Variants in GLRX3 observed in about 807,000 individuals in gnomAD.
GLRX3 encodes glutaredoxin-3.
In GLRX3, 22 loss-of-function variants were observed where a neutral mutation model predicts 49.5. The observed-to-expected ratio is 0.44, with a 90% CI of 0.32 to 0.63. GLRX3 has a LOEUF of 0.63. Among genes scored for constraint, GLRX3 ranks in the 30% least tolerant of loss-of-function variants. The probability of loss-of-function intolerance (pLI) is 0.05; values close to 1 mark genes in which losing one functional copy is unlikely to be tolerated. For synonymous variants in GLRX3, 133 were observed against 140.0 expected, an observed-to-expected ratio of 0.95 and a Z score of 0.35; for missense variants, 385 against 396.3, an observed-to-expected ratio of 0.97 and a Z score of 0.24.
chr10:130,170,397 G>T (rs1301310343), intron 7 of GLRX3, among the ~76,000 whole-genome samples: 2 of 152,146 alleles, frequency 1.3e-5, no homozygotes, highest in African/African-American at 4.8e-5. Context: ...CATAACTAGT[G>T]TATAAGTTAA....
chr10:130,157,956 G>C (rs1045160378), intron 2 of GLRX3, among the ~76,000 whole-genome samples: 10 of 152,000 alleles, frequency 6.6e-5, no homozygotes, highest in African/African-American at 2.2e-4. Context: ...GTGCTGCAAG[G>C]GTTTTAGGAC....
At chr10:130,177,016 C>T (rs995881832) in intron 10 of GLRX3, among the ~76,000 whole-genome samples, 3 of 152,056 alleles carry the variant, frequency 2.0e-5, no homozygotes, top group Non-Finnish European at 4.4e-5. Flanking sequence ...TTATGTTCAC[C>T]TGCTAAGAAC....
In GLRX3 at chr10:130,179,616, A is replaced by C. The variant is rs1862988229; in HGVS notation, c.*224A>C. 2.1e-6 allele frequency: 1 copy of C among 486,270 alleles called. No homozygotes were observed. The highest frequency in any genetic ancestry group is 2.1e-5 in the African/African-American group (1 of 48,762). The allele number at this position is 486,270 out of a possible 1,614,324, so 30.1% of individuals were successfully genotyped here. ...TCTTCAAATTATTAACAATAATTGT[A>C]TGAAAAAAGTGTATCTTTACAGCAG... is the stretch of plus-strand genomic sequence containing the variant. On this transcript the variant is annotated 3_prime_UTR_variant, in exon 11 of 11. Coordinates refer to ENST00000331244, the MANE Select transcript of GLRX3 (RefSeq NM_006541.5).
chr10:130,176,906 A>C (rs904074408), intron 10 of GLRX3, among the ~76,000 whole-genome samples: 35 of 152,148 alleles, frequency 2.3e-4, no homozygotes, highest in Admixed American at 2.2e-3. Context: ...AGCCATTGGT[A>C]ACTCTTGGGA....
intron 4 of GLRX3, among the ~76,000 whole-genome samples, chr10:130,164,214 G>T (rs1297417060): frequency 1.7e-4 from 26 of 151,928 alleles, no homozygotes; most frequent in Admixed American, 1.7e-3. Context: ...AAAAGAATTG[G>T]ATTGTCCTTA....
intron 2 of GLRX3, among the ~76,000 whole-genome samples, chr10:130,145,841 G>A (rs1399535685): frequency 6.7e-6 from 1 of 149,670 alleles, no homozygotes; most frequent in Non-Finnish European, 1.5e-5. Flanking sequence ...TTGTTCTGTC[G>A]CCCAGGCTGG....
chr10:130,136,412 G>A lies in GLRX3; in HGVS notation c.-9G>A. 2 of 1,252,572 alleles carry A rather than the reference G, an allele frequency of 1.6e-6. No individual in the cohort carries two copies. Among genetic ancestry groups the A allele is most frequent in the Non-Finnish European group, 1.0e-6 (1 of 992,686 alleles). The allele number at this position is 1,252,572 out of a possible 1,614,324, so 77.6% of individuals were successfully genotyped here. The stretch of plus-strand genomic sequence containing the variant: ...CGGCACTGGATTGCTTCTGTCTGGC[G>A]GCGGCAGCATGGCGGCGGGGGCGGC... On this transcript the variant is annotated 5_prime_UTR_variant, in exon 1 of 11. Transcript: ENST00000331244.
chr10:130,139,627 C>T (rs1157267379), intron 1 of GLRX3, among the ~76,000 whole-genome samples: 2 of 138,222 alleles, frequency 1.4e-5, no homozygotes. Context: ...GGACGACAGA[C>T]GAAGACTCCA....
At chr10:130,162,362 A>G (rs929484180) in intron 4 of GLRX3, among the ~76,000 whole-genome samples, 1 of 152,202 alleles carries the variant, frequency 6.6e-6, no homozygotes, top group Non-Finnish European at 1.5e-5. Flanking sequence ...CTATTTGTGT[A>G]TTGCAAAGCT....
chr10:130,164,650 G>T (rs996557578), intron 4 of GLRX3, among the ~76,000 whole-genome samples: 4 of 152,264 alleles, frequency 2.6e-5, no homozygotes, highest in African/African-American at 4.8e-5. Flanking sequence ...TTAAAAAAAG[G>T]TGTGTAAATA....
chr10:130,170,571 A>G (rs1412463752), intron 7 of GLRX3, among the ~76,000 whole-genome samples: 1 of 152,212 alleles, frequency 6.6e-6, no homozygotes, highest in Non-Finnish European at 1.5e-5. Flanking sequence ...TATTGAAACA[A>G]TAGAGGAAGT....
intron 4 of GLRX3, among the ~76,000 whole-genome samples, chr10:130,165,389 A>C (rs1862660706): frequency 6.6e-6 from 1 of 152,096 alleles, no homozygotes; most frequent in South Asian, 2.1e-4. Flanking sequence ...CTTCAGTTAT[A>C]ATGTCATAAT....
At chr10:130,141,979 T>G (rs1039713946) in intron 1 of GLRX3, among the ~76,000 whole-genome samples, 1 of 152,146 alleles carries the variant, frequency 6.6e-6, no homozygotes, top group Non-Finnish European at 1.5e-5. Flanking sequence ...AAAAATGTAA[T>G]CTAGCTGAAT....
At chr10:130,165,812 G>A (rs1270799103) in intron 4 of GLRX3, among the ~76,000 whole-genome samples, 3 of 152,170 alleles carry the variant, frequency 2.0e-5, no homozygotes, top group South Asian at 2.1e-4. Context: ...AATAACAATT[G>A]TAGAATTTTT....
chr10:130,156,992 TCAAA>T (rs1313878938), intron 2 of GLRX3, among the ~76,000 whole-genome samples: 1 of 152,238 alleles, frequency 6.6e-6, no homozygotes, highest in African/African-American at 2.4e-5. Context: ...GGTTTTATAG[TCAAA>T]CAAACTTTGA....
chr10:130,165,750 C>G, intron 4 of GLRX3, among the ~76,000 whole-genome samples: 1 of 152,136 alleles, frequency 6.6e-6, no homozygotes, highest in East Asian at 1.9e-4. Flanking sequence ...AGTAAAATGG[C>G]AGTAGAAATG....
intron 2 of GLRX3, among the ~76,000 whole-genome samples, chr10:130,155,880 A>C (rs1014421837): frequency 8.5e-5 from 13 of 152,258 alleles, no homozygotes; most frequent in African/African-American, 2.6e-4. Flanking sequence ...TTGAGCATTT[A>C]GGGAGGGCAG....
intron 2 of GLRX3, among the ~76,000 whole-genome samples, chr10:130,147,993 A>G (rs977880439): frequency 6.6e-6 from 1 of 152,206 alleles, no homozygotes; most frequent in Admixed American, 6.5e-5. Context: ...CGGTCACACC[A>G]CTGGACGTAG....
At chr10:130,172,914 A>G (rs1442522759) in intron 8 of GLRX3, among the ~76,000 whole-genome samples, 1 of 152,200 alleles carries the variant, frequency 6.6e-6, no homozygotes, top group Non-Finnish European at 1.5e-5. Context: ...CTGCACTCCA[A>G]CCTGGGTGAC....
Sources: allele counts gnomAD v4.1 joint callset (sites outside exome capture counted in the v4.1 genomes callset), GRCh38; gene constraint gnomAD v4.1.1; transcripts MANE v1.5; gene names NCBI Gene and HGNC (gene_info 2026-07-23, HGNC 2026-07-21).